GTF2B: variants seen among roughly 807,000 people sequenced by gnomAD.
GTF2B encodes general transcription factor IIB.
GTF2B carries 20 observed loss-of-function variants against 34.6 expected under a neutral mutation model. The ratio of observed to expected loss-of-function variants is 0.58; its 90% confidence interval spans 0.41 to 0.84. The LOEUF (loss-of-function observed/expected upper bound fraction) is 0.84, where lower values mean the gene tolerates loss of function less well. GTF2B is among the 40% of genes least tolerant of loss of function. GTF2B has a pLI of 0.00. For synonymous variants in GTF2B, 142 were observed against 132.4 expected (o/e 1.07, Z -0.50); for missense variants, 237 against 393.3 (o/e 0.60, Z 3.36).
intron 3 of GTF2B, among the ~76,000 whole-genome samples, chr1:88,861,240 G>A (rs901833606): frequency 2.6e-5 from 4 of 152,156 alleles, no homozygotes; most frequent in Non-Finnish European, 4.4e-5. Flanking sequence ...TCTCCTGAAG[G>A]ACACATAAGA....
chr1:88,870,299 A>G (rs1673661847), intron 2 of GTF2B, among the ~76,000 whole-genome samples: 1 of 152,234 alleles, frequency 6.6e-6, no homozygotes, highest in Admixed American at 6.5e-5. Context: ...CAGTAAGTGC[A>G]CTGTCAAAAT....
Position 88,887,812 on chromosome 1 carries a change from TA to T in GTF2B, c.18-446del. 3 of 197,886 alleles carry T rather than the reference TA, an allele frequency of 1.5e-5. No homozygotes were observed. In the South Asian group the frequency reaches 2.5e-4, roughly 16 times the overall value. 12.3% of individuals were successfully genotyped at this position (197,886 alleles called of 1,614,324 possible). ...TTGTTAACTACTTTAGTAACAGATT[TA>T]AATAGTACACTGAACCCAGTAAGTA... On this transcript the variant is annotated intron_variant, in intron 1 of 6. Transcript: ENST00000370500.
At chr1:88,887,600 A>G (rs189289978) in intron 1 of GTF2B, 59 of 433,958 alleles carry the variant, frequency 1.4e-4, no homozygotes, top group Non-Finnish European at 2.2e-4. Context: ...GAAGGCTTTC[A>G]AAACATAAAT....
intron 5 of GTF2B, among the ~76,000 whole-genome samples, chr1:88,857,826 CGT>C (rs1491383733): frequency 6.6e-6 from 1 of 151,688 alleles, no homozygotes; most frequent in Non-Finnish European, 1.5e-5. Context: ...GGACTACAGG[CGT>C]GCACCACCAC....
At chr1:88,856,286 A>AC (rs1673309189) in intron 6 of GTF2B, among the ~76,000 whole-genome samples, 3 of 100,572 alleles carry the variant, frequency 3.0e-5, no homozygotes, top group South Asian at 2.6e-4. Flanking sequence ...AAAAAAAAAA[A>AC]AAAACAAAAA....
chr1:88,855,554 T>C (rs1395734814), intron 6 of GTF2B, among the ~76,000 whole-genome samples: 1 of 152,178 alleles, frequency 6.6e-6, no homozygotes, highest in Non-Finnish European at 1.5e-5. Flanking sequence ...GGTTTTGCCA[T>C]GTTGGCCAGG....
At chr1:88,872,529 T>C (rs913164101) in intron 2 of GTF2B, among the ~76,000 whole-genome samples, 1 of 150,370 alleles carries the variant, frequency 6.7e-6, no homozygotes, top group African/African-American at 2.4e-5. Flanking sequence ...ATTAATATAA[T>C]TTTTTAAATA....
chr1:88,870,119 G>C (rs935202787), intron 2 of GTF2B, among the ~76,000 whole-genome samples: 3 of 151,670 alleles, frequency 2.0e-5, no homozygotes, highest in African/African-American at 7.3e-5. Flanking sequence ...GTAGAGACAG[G>C]GTTTCACTGT....
In GTF2B at chr1:88,860,840, T is replaced by A. The variant is rs1673416927; in HGVS notation, c.259-554A>T. Among the ~76,000 whole-genome samples, 3 of 152,186 alleles carry A rather than the reference T, an allele frequency of 2.0e-5. No homozygotes were observed. In the South Asian group the frequency reaches 6.2e-4, roughly 31 times the overall value. On this transcript the variant is annotated intron_variant, in intron 3 of 6. Coordinates refer to ENST00000370500, the MANE Select transcript of GTF2B (RefSeq NM_001514.6). ...CTCTGCCCAAAGAAAGTACTATGAT[T>A]AATGGAGAAACATTACCAGCATTAT...
At chr1:88,867,190 C>T (rs67122823) in intron 2 of GTF2B, among the ~76,000 whole-genome samples, 14,420 of 152,050 alleles carry the variant, frequency 0.095, 1,621 homozygotes, top group African/African-American at 0.27. Context: ...CTAAAAGATA[C>T]GTTAGAAAAA....
intron 2 of GTF2B, among the ~76,000 whole-genome samples, chr1:88,874,693 TTC>T (rs1673780009): frequency 6.6e-6 from 1 of 152,050 alleles, no homozygotes; most frequent in South Asian, 2.1e-4. Flanking sequence ...AGAATTTCAA[TTC>T]TTTCTGCTGT....
Position 88,857,508 on chromosome 1 carries a change from T to C in GTF2B, c.536-21A>G. ...TATTTCTAAAAGAAAAAAAATTAAA[T>C]AAATCAATTCACTTAAGCCATATAG... On this transcript the variant is annotated intron_variant, in intron 5 of 6. Transcript: ENST00000370500. 3.8e-6 allele frequency: 5 copies of C among 1,327,150 alleles called. No homozygotes were observed. In the South Asian group the frequency reaches 6.2e-5, roughly 16 times the overall value. The allele number at this position is 1,327,150 out of a possible 1,614,324, so 82.2% of individuals were successfully genotyped here.
At chr1:88,873,182 GTTTTTTTTTTT>G (rs869087763) in intron 2 of GTF2B, among the ~76,000 whole-genome samples, 9 of 100,448 alleles carry the variant, frequency 9.0e-5, no homozygotes, top group African/African-American at 2.0e-4. Context: ...ATTCCATTAA[GTTTTTTTTTTT>G]TTTTTTTTTT....
At chr1:88,885,474 G>C (rs1413913496) in intron 2 of GTF2B, among the ~76,000 whole-genome samples, 1 of 143,364 alleles carries the variant, frequency 7.0e-6, no homozygotes, top group African/African-American at 2.6e-5. Context: ...TTGGCCAGGC[G>C]CAGTGGCTCA....
intron 2 of GTF2B, among the ~76,000 whole-genome samples, chr1:88,867,090 CAGTG>C (rs1383504886): frequency 3.9e-5 from 6 of 152,156 alleles, no homozygotes; most frequent in South Asian, 2.1e-4. Flanking sequence ...AACCACTGTG[CAGTG>C]AGTACTATTC....
intron 2 of GTF2B, among the ~76,000 whole-genome samples, chr1:88,885,451 C>CA (rs942195737): frequency 1.4e-4 from 20 of 138,882 alleles, no homozygotes; most frequent in Admixed American, 4.5e-4. Flanking sequence ...AACTCTGTAT[C>CA]AAAAAAAAAA....
Position 88,857,474 on chromosome 1 carries a change from T to C in GTF2B, c.549A>G (p.Val183=). 1 of 1,571,460 alleles carries C rather than the reference T, an allele frequency of 6.4e-7. No homozygotes were observed. The highest frequency in any genetic ancestry group is 1.1e-5 in the South Asian group (1 of 89,346). The part of the protein sequence containing the change: ...VPRTFKEICA[V]SRISKKEIGR... Reference sequence around the variant, plus strand: ...CAATTTCTTTCTTAGAAATTCGTGATACGGCACATATTTCTAAAAGAAAAA... The same window carrying C: ...CAATTTCTTTCTTAGAAATTCGTGACACGGCACATATTTCTAAAAGAAAAA... Residue 183 remains valine (V), a synonymous_variant, in exon 6 of 7, where the codon GTA becomes GTG. Transcript: ENST00000370500.
At chr1:88,890,205 C>T (rs1457432153) in intron 1 of GTF2B, among the ~76,000 whole-genome samples, 1 of 150,444 alleles carries the variant, frequency 6.6e-6, no homozygotes, top group Admixed American at 6.6e-5. Context: ...TTTGAGTGAT[C>T]TGGGGAGCCC....
At chr1:88,886,153 A>T (rs904793554) in intron 2 of GTF2B, among the ~76,000 whole-genome samples, 1 of 152,214 alleles carries the variant, frequency 6.6e-6, no homozygotes, top group Non-Finnish European at 1.5e-5. Context: ...ACGGTTGCAA[A>T]TGATTCTCAA....
Sources: allele counts gnomAD v4.1 joint callset (sites outside exome capture counted in the v4.1 genomes callset), GRCh38; gene constraint gnomAD v4.1.1; transcripts MANE v1.5; gene names NCBI Gene and HGNC (gene_info 2026-07-23, HGNC 2026-07-21).